The following PLXDC2 variants were observed in gnomAD, a reference collection of about 807,000 sequenced individuals.
The protein encoded by PLXDC2 is plexin domain containing 2, also known as plexin domain-containing protein 2.
In PLXDC2, 40 loss-of-function variants were observed where a neutral mutation model predicts 68.9. The ratio of observed to expected loss-of-function variants is 0.58; its 90% CI spans 0.45 to 0.76. The LOEUF is 0.76. Among genes scored for constraint, PLXDC2 ranks in the 30% least tolerant of loss-of-function variants. The pLI is 0.00. For synonymous variants in PLXDC2, 243 were observed against 234.2 expected (o/e 1.04, Z -0.34); for missense variants, 644 against 661.9 (o/e 0.97, Z 0.30).
intron 12 of PLXDC2, among the ~76,000 whole-genome samples, chr10:20,231,995 G>C (rs1468709874): frequency 7.1e-6 from 1 of 140,590 alleles, no homozygotes; most frequent in Non-Finnish European, 1.6e-5. Flanking sequence ...GACAGAACAG[G>C]ACCCTATCTC....
At chr10:20,009,674 T>C (rs1430885521) in intron 2 of PLXDC2, among the ~76,000 whole-genome samples, 1 of 150,584 alleles carries the variant, frequency 6.6e-6, no homozygotes, top group Non-Finnish European at 1.5e-5. Flanking sequence ...AATGCAGTGA[T>C]GAGGTGTCAT....
chr10:20,127,908 T>G (rs967551037), intron 4 of PLXDC2, among the ~76,000 whole-genome samples: 3 of 152,192 alleles, frequency 2.0e-5, no homozygotes, highest in African/African-American at 7.2e-5. Flanking sequence ...GGCAGAATAA[T>G]GCATGAGCTT....
At position 20,287,989 on chromosome 10, in the gene PLXDC2, G is replaced by GGGCGGGGA. The variant is rs1431341605; in HGVS notation, c.*8172_*8173insCGGGGAGG. On this transcript the variant is annotated 3_prime_UTR_variant, in exon 14 of 14. Transcript: ENST00000377252. ...GGGCACTTCTTGCGGCGGGGGAGGG[G>GGGCGGGGA]GGGGGGGCGGTGGCTTTCCAGATTT... 2.3e-4 allele frequency: 1 copy of GGGCGGGGA among 4,296 alleles called. No homozygotes were observed. The highest frequency in any genetic ancestry group is 4.5e-4 in the African/African-American group (1 of 2,226). 0.3% of individuals were successfully genotyped at this position (4,296 alleles called of 1,614,324 possible).
chr10:20,136,169 C>T (rs746225797), intron 4 of PLXDC2, among the ~76,000 whole-genome samples: 5 of 152,138 alleles, frequency 3.3e-5, no homozygotes, highest in African/African-American at 7.2e-5. Flanking sequence ...AAATACAAGC[C>T]GATATCCTCA....
intron 13 of PLXDC2, among the ~76,000 whole-genome samples, chr10:20,256,148 T>A (rs1451503273): frequency 1.3e-5 from 2 of 152,078 alleles, no homozygotes; most frequent in Non-Finnish European, 2.9e-5. Context: ...TTATTTATTT[T>A]TTGAGACAGA....
chr10:20,042,232 G>T (rs773948825), intron 2 of PLXDC2, among the ~76,000 whole-genome samples: 1 of 151,972 alleles, frequency 6.6e-6, no homozygotes, highest in African/African-American at 2.4e-5. Flanking sequence ...TTATTTCATC[G>T]TGTCCTTTTG....
intron 1 of PLXDC2, among the ~76,000 whole-genome samples, chr10:19,946,428 G>A (rs1259604136): frequency 6.6e-6 from 1 of 151,958 alleles, no homozygotes; most frequent in Non-Finnish European, 1.5e-5. Flanking sequence ...GACCGATGAT[G>A]TCCACATCCT....
chr10:20,246,401 A>G (rs764284693), intron 13 of PLXDC2, among the ~76,000 whole-genome samples: 1 of 152,170 alleles, frequency 6.6e-6, no homozygotes. Flanking sequence ...CCAGGCTGCA[A>G]TGCCGTGGTG....
chr10:20,268,359 C>A (rs1835896521), intron 13 of PLXDC2, among the ~76,000 whole-genome samples: 1 of 152,106 alleles, frequency 6.6e-6, no homozygotes, highest in African/African-American at 2.4e-5. Context: ...TGTTATCTGC[C>A]TTTTAAAGTT....
At chr10:20,040,244 G>A (rs1200380234) in intron 2 of PLXDC2, among the ~76,000 whole-genome samples, 1 of 151,964 alleles carries the variant, frequency 6.6e-6, no homozygotes, top group East Asian at 1.9e-4. Flanking sequence ...ATTACCACTC[G>A]CCAGTTTCCC....
chr10:20,067,195 C>T (rs937762093), intron 3 of PLXDC2, among the ~76,000 whole-genome samples: 1 of 152,082 alleles, frequency 6.6e-6, no homozygotes, highest in African/African-American at 2.4e-5. Context: ...ATATTAAGAG[C>T]TAAAGTTCGT....
chr10:20,046,745 G>C, intron 2 of PLXDC2, 124 bp from the exon 3 acceptor site: 1 of 931,176 alleles, frequency 1.1e-6, no homozygotes, highest in Non-Finnish European at 1.5e-6. Flanking sequence ...TTCTCCTAGA[G>C]TATAGTTAAA....
At chr10:20,133,218 C>T (rs923265426) in intron 4 of PLXDC2, among the ~76,000 whole-genome samples, 4 of 152,038 alleles carry the variant, frequency 2.6e-5, no homozygotes, top group African/African-American at 9.7e-5. Flanking sequence ...AACTTTTATA[C>T]TAGAGTTAAA....
intron 2 of PLXDC2, among the ~76,000 whole-genome samples, chr10:20,031,384 A>C (rs936428236): frequency 2.0e-5 from 3 of 152,104 alleles, no homozygotes; most frequent in Non-Finnish European, 4.4e-5. Context: ...AAAAAGTCAC[A>C]GTGCTGGATT....
At chr10:20,235,892 A>G (rs1835426057) in intron 12 of PLXDC2, among the ~76,000 whole-genome samples, 2 of 152,162 alleles carry the variant, frequency 1.3e-5, no homozygotes, top group African/African-American at 4.8e-5. Flanking sequence ...CAAACCTTGA[A>G]AGTGCTTCGT....
In PLXDC2 at chr10:20,177,405, C is replaced by T; in HGVS notation, c.1057C>T (p.Gln353Ter). 2 of 1,502,180 alleles carry T rather than the reference C, an allele frequency of 1.3e-6. No individual in the cohort carries two copies. Among genetic ancestry groups the T allele is most frequent in the Non-Finnish European group, 9.2e-7 (1 of 1,090,104 alleles). The allele number at this position is 1,502,180 out of a possible 1,614,324, so 93.1% of individuals were successfully genotyped here. A position where few individuals can be genotyped will look rare whatever the true frequency, so the allele number is the denominator to read the frequency against. The change falls in exon 9 of 14, where the codon CAA (glutamine) becomes TAA (stop). Residue 353 changes from glutamine (Q) to a stop codon, truncating the protein, a stop_gained. Transcript: ENST00000377252. LOFTEE classifies it high-confidence loss of function. ...CAACTGCAGTTGGTGTAGTAAACTT[C>T]AAAGGTAAAAATATAATAATAAGAA... ...GFNCSWCSKL[Q>*]RCSSGFDRHR...
At chr10:19,969,595 G>T (rs928976959) in intron 1 of PLXDC2, among the ~76,000 whole-genome samples, 1 of 152,212 alleles carries the variant, frequency 6.6e-6, no homozygotes, top group Non-Finnish European at 1.5e-5. Context: ...AGAAAAGCCA[G>T]GCTACTCCAT....
chr10:20,112,722 C>T (rs1411138374), intron 4 of PLXDC2, among the ~76,000 whole-genome samples: 1 of 152,070 alleles, frequency 6.6e-6, no homozygotes, highest in Non-Finnish European at 1.5e-5. Flanking sequence ...ACTTAGGCTA[C>T]CTTAGTTTAT....
At chr10:20,163,261 C>T (rs1834330334) in intron 6 of PLXDC2, among the ~76,000 whole-genome samples, 1 of 152,124 alleles carries the variant, frequency 6.6e-6, no homozygotes, top group African/African-American at 2.4e-5. Flanking sequence ...ATGTCATCTT[C>T]TATTTACTTG....
Sources: allele counts gnomAD v4.1 joint callset (sites outside exome capture counted in the v4.1 genomes callset), GRCh38; gene constraint gnomAD v4.1.1; transcripts MANE v1.5; gene names NCBI Gene and HGNC (gene_info 2026-07-23, HGNC 2026-07-21).